The following SNX24 variants were observed in gnomAD, a reference collection of about 807,000 sequenced individuals.
The protein encoded by SNX24 is sorting nexin-24.
A neutral mutation model predicts 28.7 loss-of-function variants in SNX24; 22 were observed. The ratio of observed to expected loss-of-function variants is 0.77; its 90% CI spans 0.55 to 1.10. The LOEUF is 1.10. Among genes scored for constraint, SNX24 ranks in the 50% least tolerant of loss-of-function variants. SNX24 has a pLI of 0.00. For missense variants in SNX24, 221 were observed against 201.1 expected (o/e 1.10, Z -0.60); for synonymous variants, 69 against 71.5 (o/e 0.96, Z 0.18).
At chr5:122,914,093 G>C (rs1193886982) in intron 1 of SNX24, among the ~76,000 whole-genome samples, 4 of 152,220 alleles carry the variant, frequency 2.6e-5, no homozygotes, top group African/African-American at 7.2e-5. Flanking sequence ...ATCAGAGGGA[G>C]ACCATGGAAA....
intron 3 of SNX24, among the ~76,000 whole-genome samples, chr5:122,967,756 T>G (rs1332831373): frequency 6.6e-6 from 1 of 152,138 alleles, no homozygotes; most frequent in Non-Finnish European, 1.5e-5. Context: ...ATGAGTTATA[T>G]TATCTGCATT....
chr5:122,866,705 GAGT>G (rs1755736347), intron 1 of SNX24, among the ~76,000 whole-genome samples: 1 of 152,156 alleles, frequency 6.6e-6, no homozygotes, highest in Non-Finnish European at 1.5e-5. Flanking sequence ...CTCTGTTGTG[GAGT>G]AGTAGTCCAG....
chr5:123,023,856 T>G (rs754818746), intron 5 of SNX24: 1 of 1,591,236 alleles, frequency 6.3e-7, no homozygotes, highest in Non-Finnish European at 8.6e-7. Flanking sequence ...AAGCATATCC[T>G]TGTTTTCTGC....
Position 122,866,008 on chromosome 5 carries a change from T to A in SNX24, c.60+20315T>A, listed in dbSNP as rs555943642. ...AGTCAATACATCATATGCTACATGATAAGGGGTTAAGAGAGAAGAAAACAA... is the reference window on the plus strand; with the variant it reads ...AGTCAATACATCATATGCTACATGAAAAGGGGTTAAGAGAGAAGAAAACAA... On this transcript the variant is annotated intron_variant, in intron 1 of 6. Coordinates refer to ENST00000261369, the MANE Select transcript of SNX24 (RefSeq NM_014035.4). Among the ~76,000 whole-genome samples the A allele has an allele frequency of 1.4e-4, 21 of 152,284 alleles. No individual in the cohort carries two copies. The South Asian group carries it at 2.9e-3, about 21-fold the overall frequency.
chr5:122,975,238 C>G (rs1761119228), intron 3 of SNX24, among the ~76,000 whole-genome samples: 1 of 152,326 alleles, frequency 6.6e-6, no homozygotes, highest in South Asian at 2.1e-4. Flanking sequence ...CTGGGCTCCC[C>G]ACAGTGTCAC....
chr5:122,973,942 G>T (rs1761059670), intron 3 of SNX24, among the ~76,000 whole-genome samples: 1 of 152,190 alleles, frequency 6.6e-6, no homozygotes, highest in Non-Finnish European at 1.5e-5. Context: ...GGATCTGCTG[G>T]GTCATATGGC....
intron 6 of SNX24, among the ~76,000 whole-genome samples, chr5:123,004,370 G>T (rs1439013648): frequency 6.6e-6 from 1 of 152,136 alleles, no homozygotes; most frequent in South Asian, 2.1e-4. Context: ...ATATTTTTCA[G>T]TCCTCATCTT....
chr5:122,880,720 A>G (rs767521542), intron 1 of SNX24, among the ~76,000 whole-genome samples: 157 of 152,246 alleles, frequency 1.0e-3, no homozygotes, highest in Non-Finnish European at 2.0e-3. Flanking sequence ...CTAGAGATAA[A>G]GGGGGCAAAA....
downstream of SNX24, among the ~76,000 whole-genome samples, chr5:123,011,371 C>T (rs928643528): frequency 3.3e-5 from 5 of 152,116 alleles, no homozygotes; most frequent in African/African-American, 9.7e-5. Flanking sequence ...TGGCAGCCCT[C>T]GTGTCCTTTC....
chr5:123,009,206 C>T (rs1395549787), downstream of SNX24: 2 of 984,626 alleles, frequency 2.0e-6, no homozygotes, highest in East Asian at 1.1e-4. Flanking sequence ...AACAAGGAAA[C>T]ATTTGAGTTT....
intron 1 of SNX24, among the ~76,000 whole-genome samples, chr5:122,899,340 A>G (rs1268123821): frequency 6.6e-6 from 1 of 152,212 alleles, no homozygotes; most frequent in African/African-American, 2.4e-5. Context: ...GTCCATAGAA[A>G]TATACCATTT....
intron 1 of SNX24, among the ~76,000 whole-genome samples, chr5:122,873,869 G>A (rs1488755175): frequency 6.7e-6 from 1 of 149,968 alleles, no homozygotes; most frequent in Non-Finnish European, 1.5e-5. Context: ...AAGTTCAAGC[G>A]ATTCTCCTGC....
chr5:122,897,213 A>T (rs1342045578), intron 1 of SNX24, among the ~76,000 whole-genome samples: 1 of 152,176 alleles, frequency 6.6e-6, no homozygotes, highest in Non-Finnish European at 1.5e-5. Flanking sequence ...ATTAAATGGA[A>T]ATCAAAGATG....
intron 3 of SNX24, among the ~76,000 whole-genome samples, chr5:122,956,342 A>G (rs1170331629): frequency 9.9e-6 from 1 of 101,416 alleles, no homozygotes; most frequent in Admixed American, 1.1e-4. Context: ...AAAACCTTTA[A>G]AACACTTGGG....
At chr5:122,961,627 A>T (rs568574235) in intron 3 of SNX24, among the ~76,000 whole-genome samples, 27 of 152,350 alleles carry the variant, frequency 1.8e-4, no homozygotes, top group Non-Finnish European at 3.4e-4. Context: ...ATTTTATCGA[A>T]ACCTTAACCA....
At chr5:123,021,546 A>G (rs1280940642) in intron 5 of SNX24, among the ~76,000 whole-genome samples, 1 of 152,228 alleles carries the variant, frequency 6.6e-6, no homozygotes, top group Non-Finnish European at 1.5e-5. Context: ...CAGTCCCAGG[A>G]GTGAGAAATT....
chr5:123,028,951 CTG>C, intron 5 of SNX24: 1 of 1,218,850 alleles, frequency 8.2e-7, no homozygotes, highest in Non-Finnish European at 1.2e-6. Context: ...AAAGGACAAA[CTG>C]AGAAAATTAA....
chr5:122,970,946 A>G (rs903347617), intron 3 of SNX24, among the ~76,000 whole-genome samples: 1 of 152,212 alleles, frequency 6.6e-6, no homozygotes, highest in Non-Finnish European at 1.5e-5. Flanking sequence ...AGAGGGACAG[A>G]ACTAATAGGA....
At chr5:122,935,020 G>A (rs976997069) in intron 1 of SNX24, among the ~76,000 whole-genome samples, 1 of 152,162 alleles carries the variant, frequency 6.6e-6, no homozygotes, top group Non-Finnish European at 1.5e-5. Context: ...GGGTGAGCAA[G>A]TAGGTAGAGC....
Sources: gnomAD v4.1 joint callset for allele counts (sites outside exome capture counted in the v4.1 genomes callset) on GRCh38, gnomAD v4.1.1 for gene constraint, MANE v1.5 for transcripts, NCBI Gene and HGNC (gene_info 2026-07-23, HGNC 2026-07-21) for gene names.